CROCC2: variants seen among roughly 807,000 people sequenced by gnomAD.
CROCC2 encodes ciliary rootlet coiled-coil, rootletin family member 2, also known as ciliary rootlet coiled-coil protein 2.
In CROCC2, 163 loss-of-function variants were observed where a neutral mutation model predicts 177.6. That is an observed-to-expected ratio of 0.92 (90% CI 0.81 to 1.05). The LOEUF (loss-of-function observed/expected upper bound fraction) is 1.05, where lower values mean the gene tolerates loss of function less well. Among genes scored for constraint, CROCC2 ranks in the 50% least tolerant of loss-of-function variants. The pLI is 0.00. For missense variants in CROCC2, 1,929 were observed against 1,797.8 expected, an observed-to-expected ratio of 1.07 and a Z score of -1.32; for synonymous variants, 904 against 787.3, an observed-to-expected ratio of 1.15 and a Z score of -2.48.
In CROCC2 at chr2:240,934,318, T is replaced by G; in HGVS notation, c.1647-13T>G. On this transcript the variant is annotated splice_polypyrimidine_tract_variant and intron_variant, in intron 11 of 31. Coordinates refer to ENST00000690015, the MANE Select transcript of CROCC2 (RefSeq NM_001351305.2). ...CCCTGAGCGACCTCCCGCCCTCTGG[T>G]CTGGGGCCTCAGTCAAGGCCGCCTG... 10 of 1,548,090 alleles carry G rather than the reference T, an allele frequency of 6.5e-6. No homozygotes were observed. Among genetic ancestry groups the G allele is most frequent in the Non-Finnish European group, 8.7e-6 (10 of 1,146,654 alleles).
At chr2:240,971,668 T>G (rs927101321) in intron 27 of CROCC2, among the ~76,000 whole-genome samples, 4 of 152,144 alleles carry the variant, frequency 2.6e-5, no homozygotes, top group Admixed American at 2.0e-4. Context: ...ACTTGCAGAA[T>G]CAAATCTACC....
In CROCC2 at chr2:240,967,368, G is replaced by A. The variant is rs914316178; in HGVS notation, c.4170G>A (p.Ala1390=). The change falls in exon 26 of 32, where the codon GCG becomes GCA. Residue 1390 remains alanine, a synonymous_variant. Coordinates refer to ENST00000690015, the MANE Select transcript of CROCC2 (RefSeq NM_001351305.2). ...RERDDSRIQM[A]TLSSRLSEAE... is the part of the protein sequence containing the mutation. ...AGGATGACTCCCGCATCCAGATGGC[G>A]ACCCTGAGCAGCCGGCTGAGCGAGG... The A allele has an allele frequency of 1.3e-5, 10 of 765,824 alleles. No homozygotes were observed. The highest frequency in any genetic ancestry group is 1.0e-4 in the Admixed American group (5 of 49,768). The allele number at this position is 765,824 out of a possible 1,614,324, so 47.4% of individuals were successfully genotyped here. A position where few individuals can be genotyped will look rare whatever the true frequency, so the allele number is the denominator to read the frequency against.
intron 3 of CROCC2, among the ~76,000 whole-genome samples, chr2:240,920,357 C>T (rs868319510): frequency 3.3e-5 from 5 of 152,220 alleles, no homozygotes; most frequent in Non-Finnish European, 5.9e-5. Flanking sequence ...CCAAGCAGCA[C>T]GTGCCCAGGC....
intron 27 of CROCC2, among the ~76,000 whole-genome samples, chr2:240,976,052 G>C (rs2059761288): frequency 6.6e-6 from 1 of 152,206 alleles, no homozygotes; most frequent in Admixed American, 6.5e-5. Flanking sequence ...TGGTCTCAAC[G>C]AGACCCCTGT....
rs2059538366 is a variant in CROCC2 at position 240,949,030 on chromosome 2, C to G, written c.2415C>G (p.Ala805=). ...ESSLLEAQQL[A]TKLQEQLEEE... ...GCCTCCTTGAGGCCCAACAGCTGGC[C>G]ACAAAGCTGCAGGAGCAGCTGGAGG... The change falls in exon 16 of 32, where the codon GCC becomes GCG. Residue 805 remains alanine (A), a synonymous_variant. Transcript: ENST00000690015. This position sits in a 1 kb window ranked among gnomAD's most constrained non-coding sequence, Gnocchi z 4.5. 6.5e-7 allele frequency: 1 copy of G among 1,549,776 alleles called. No individual in the cohort carries two copies. The highest frequency in any genetic ancestry group is 1.4e-5 in the African/African-American group (1 of 73,032).
At chr2:240,959,872 G>A (rs1325727231) in intron 20 of CROCC2, 10 of 159,202 alleles carry the variant, frequency 6.3e-5, no homozygotes, top group Middle Eastern at 3.1e-3. Flanking sequence ...GGGTCCCGAC[G>A]CGGCTCCTGC....
chr2:240,923,511 A>C (rs1234003544), intron 4 of CROCC2, among the ~76,000 whole-genome samples: 52 of 24,322 alleles, frequency 2.1e-3, no homozygotes, highest in East Asian at 9.1e-3. Context: ...CCCAGCCCCC[A>C]ACACTAACCC....
intron 15 of CROCC2, among the ~76,000 whole-genome samples, chr2:240,948,306 G>C (rs913737768): frequency 6.6e-6 from 1 of 152,138 alleles, no homozygotes; most frequent in Non-Finnish European, 1.5e-5. Flanking sequence ...CCCGATGAAG[G>C]GGGTGGCGGT....
In CROCC2 at chr2:240,958,556, G is replaced by A. The variant is rs528193825; in HGVS notation, c.2944-745G>A. The stretch of plus-strand genomic sequence containing the variant: ...CCAGGAACACAAAGCCAGCTCTGGA[G>A]GGAGCCATCCCCCACCAGCCGCCCC... On this transcript the variant is annotated intron_variant, in intron 19 of 31. Transcript: ENST00000690015. The surrounding 1 kb of genome is among the most constrained non-coding windows in gnomAD (Gnocchi z 6.7). 2.0e-6 allele frequency: 2 copies of A among 984,990 alleles called. No individual in the cohort carries two copies. The highest frequency in any genetic ancestry group is 1.7e-5 in the African/African-American group (1 of 57,322). The allele number at this position is 984,990 out of a possible 1,614,324, so 61.0% of individuals were successfully genotyped here.
intron 19 of CROCC2, 91 bp from the exon 20 acceptor site, chr2:240,959,210 A>G (rs2059614225): frequency 7.1e-7 from 1 of 1,405,822 alleles, no homozygotes; most frequent in Non-Finnish European, 9.4e-7. Context: ...GGCCACTGCA[A>G]CACCTCTCTC....
intron 25 of CROCC2, among the ~76,000 whole-genome samples, 187 bp downstream of exon 25, chr2:240,966,596 C>T (rs969372693): frequency 2.6e-5 from 4 of 152,108 alleles, no homozygotes; most frequent in African/African-American, 4.8e-5. Context: ...GGCTGGAGGC[C>T]GCCCCCTTCC....
At chr2:240,990,106 T>C (rs995508007) in intron 30 of CROCC2, among the ~76,000 whole-genome samples, 3 of 151,998 alleles carry the variant, frequency 2.0e-5, no homozygotes, top group Admixed American at 6.6e-5. Context: ...TAAAGTGGGG[T>C]AGTGAGGACA....
rs112471296 is a variant in CROCC2, at chr2:240,976,167, C to G, written c.4402-6713C>G. Among the ~76,000 whole-genome samples the G allele has an allele frequency of 6.6e-5, 10 of 151,966 alleles. 1 individual carries two copies. Among genetic ancestry groups the G allele is most frequent in the African/African-American group, 2.2e-4 (9 of 41,474 alleles). ...CCTGCTCAGTCTCTGGGGTAGGAGC[C>G]TCAGAAGCCCAGGCTCATCCCTGCT... On this transcript the variant is annotated intron_variant, in intron 27 of 31. Coordinates refer to ENST00000690015, the MANE Select transcript of CROCC2 (RefSeq NM_001351305.2).
In CROCC2 at chr2:240,993,190, A is replaced by T; in HGVS notation, c.*109A>T. On this transcript the variant is annotated 3_prime_UTR_variant, in exon 32 of 32. Coordinates refer to ENST00000690015, the MANE Select transcript of CROCC2 (RefSeq NM_001351305.2). The stretch of plus-strand genomic sequence containing the variant: ...AGCGTCACAGTGAAAGGCACCCGTG[A>T]TGAGACAGCTCGCTCTCGGCAGTTT... 1 of 670,960 alleles carries T rather than the reference A, an allele frequency of 1.5e-6. No individual in the cohort carries two copies. Among genetic ancestry groups the T allele is most frequent in the Non-Finnish European group, 2.8e-6 (1 of 355,188 alleles). 41.6% of individuals were successfully genotyped at this position (670,960 alleles called of 1,614,324 possible).
rs556922110 is a variant in CROCC2 at position 240,973,767 on chromosome 2, T to C, written c.4401+5505T>C. On this transcript the variant is annotated intron_variant, in intron 27 of 31. Transcript: ENST00000690015. This position sits in a 1 kb window ranked among gnomAD's most constrained non-coding sequence, Gnocchi z 4.7. ...TGTCAAGAATTTTTGCATCTGTAAT[T>C]CCTTTATGGTGACATAGTTTTCAGA... 6.6e-6 allele frequency among the ~76,000 whole-genome samples: 1 copy of C among 152,366 alleles called. No individual in the cohort carries two copies. Among genetic ancestry groups the C allele is most frequent in the Admixed American group, 6.5e-5 (1 of 15,306 alleles).
At chr2:240,989,623 C>T (rs1403821742) in intron 29 of CROCC2, 31 bp from the exon 30 acceptor site, 19 of 1,523,804 alleles carry the variant, frequency 1.2e-5, no homozygotes, top group Non-Finnish European at 1.7e-5. Context: ...CAGTGAGAGA[C>T]AGCAGTGAGA....
intron 1 of CROCC2, among the ~76,000 whole-genome samples, chr2:240,912,958 C>T (rs2059297858): frequency 6.6e-6 from 1 of 152,176 alleles, no homozygotes; most frequent in South Asian, 2.1e-4. Context: ...GCCACGGTGC[C>T]CGTCGCTGAG....
At chr2:240,968,780 G>A (rs1003256738) in intron 27 of CROCC2, among the ~76,000 whole-genome samples, 16 of 152,236 alleles carry the variant, frequency 1.1e-4, no homozygotes, top group Non-Finnish European at 2.1e-4. Context: ...TTGTGCTGGG[G>A]AGGTGCCCGC....
At chr2:240,914,476 C>T (rs1183895266) in intron 1 of CROCC2, among the ~76,000 whole-genome samples, 2 of 152,240 alleles carry the variant, frequency 1.3e-5, no homozygotes, top group Non-Finnish European at 2.9e-5. Context: ...CCGTCCAAAC[C>T]CCCAGCCCCA....
Sources: gnomAD v4.1 joint callset for allele counts (sites outside exome capture counted in the v4.1 genomes callset) on GRCh38, gnomAD v4.1.1 for gene constraint, Gnocchi (gnomAD v3.1) non-coding constraint, MANE v1.5 for transcripts, NCBI Gene and HGNC (gene_info 2026-07-23, HGNC 2026-07-21) for gene names.